The following UNC80 variants were observed in gnomAD, a reference collection of about 807,000 sequenced individuals.
UNC80 encodes the protein protein unc-80 homolog.
In UNC80, 164 loss-of-function variants were observed where a neutral mutation model predicts 384.6. The ratio of observed to expected loss-of-function variants is 0.43; its 90% CI spans 0.38 to 0.49. The LOEUF (loss-of-function observed/expected upper bound fraction) is 0.49, where lower values mean the gene tolerates loss of function less well. Ranked by LOEUF, UNC80 falls within the 20% of genes least tolerant of loss-of-function variation. UNC80 has a pLI of 0.00. For missense variants in UNC80, 3,330 were observed against 4,143.0 expected (o/e 0.80, Z 5.39); for synonymous variants, 1,486 against 1,527.8 (o/e 0.97, Z 0.64).
At chr2:209,866,525 C>CACACACACACAT (rs1553556886) in intron 22 of UNC80, among the ~76,000 whole-genome samples, 16 of 110,164 alleles carry the variant, frequency 1.5e-4, no homozygotes, top group African/African-American at 6.1e-4. Flanking sequence ...CACACACACA[C>CACACACACACAT]ACACACACAG....
At chr2:209,880,493 T>G (rs963893295) in intron 24 of UNC80, among the ~76,000 whole-genome samples, 1 of 152,218 alleles carries the variant, frequency 6.6e-6, no homozygotes, top group African/African-American at 2.4e-5. Context: ...CCTCATAAAA[T>G]GAACTGACAG....
At chr2:209,922,016 T>G (rs192551715) in intron 34 of UNC80, among the ~76,000 whole-genome samples, 1 of 152,342 alleles carries the variant, frequency 6.6e-6, no homozygotes, top group African/African-American at 2.4e-5. Flanking sequence ...AATGATTAAT[T>G]AATCATTCTG....
rs922690277 is a variant in UNC80 at position 209,937,685 on chromosome 2, A to G, written c.6465+55A>G. 3.0e-6 allele frequency: 4 copies of G among 1,349,712 alleles called. No homozygotes were observed. The Admixed American group carries it at 5.9e-5, about 20-fold the overall frequency. 83.6% of individuals were successfully genotyped at this position (1,349,712 alleles called of 1,614,324 possible). ...GTTTTGTCATGTTGTTGGAGTAGATATCTGTTCATACTTTGCCAACTTTGA... is the reference window on the plus strand; with the variant it reads ...GTTTTGTCATGTTGTTGGAGTAGATGTCTGTTCATACTTTGCCAACTTTGA... On this transcript the variant is annotated intron_variant, in intron 42 of 64. Transcript: ENST00000673920.
In UNC80 at chr2:209,839,790, C is replaced by T. The variant is rs116706416; in HGVS notation, c.3250+360C>T. Among the ~76,000 whole-genome samples, 2,036 of 152,216 alleles carry T rather than the reference C, an allele frequency of 0.013. 49 individuals carry two copies. Among genetic ancestry groups the T allele is most frequent in the African/African-American group, 0.045 (1,852 of 41,510 alleles). On this transcript the variant is annotated intron_variant, in intron 19 of 64. Coordinates refer to ENST00000673920, the MANE Select transcript of UNC80 (RefSeq NM_001371986.1). This position sits in a 1 kb window ranked among gnomAD's most constrained non-coding sequence, Gnocchi z 4.1. Reference sequence around the variant, plus strand: ...TATGAAGGAAATATACATAGTTCTACGAAAGCATGCAACAATGAGACCTGA... The same window carrying T: ...TATGAAGGAAATATACATAGTTCTATGAAAGCATGCAACAATGAGACCTGA...
chr2:209,972,285 C>T lies in UNC80; in HGVS notation c.8341C>T (p.Leu2781Phe), dbSNP rs1375291367. 2 of 1,551,696 alleles carry T rather than the reference C, an allele frequency of 1.3e-6. No homozygotes were observed. The highest frequency in any genetic ancestry group is 1.2e-5 in the South Asian group (1 of 84,048). ...AAGGGAGGGGATGCTTTTAAATCTG[C>T]TCATCCCATTTGTGCTCACAGTAGG... is the stretch of plus-strand genomic sequence containing the variant. ...ERREGMLLNL[L>F]IPFVLTVGSG... The change falls in exon 55 of 65, where the codon CTC becomes TTC. Residue 2781 changes from leucine (L) to phenylalanine (F), a missense_variant. Transcript: ENST00000673920.
chr2:209,794,236 A>G (rs1414409905), intron 7 of UNC80, among the ~76,000 whole-genome samples: 1 of 152,246 alleles, frequency 6.6e-6, no homozygotes, highest in Admixed American at 6.5e-5. Flanking sequence ...TAGTGCTTCT[A>G]AATCACATAG....
intron 28 of UNC80, among the ~76,000 whole-genome samples, chr2:209,898,312 T>C (rs2087011961): frequency 6.6e-6 from 1 of 152,124 alleles, no homozygotes; most frequent in African/African-American, 2.4e-5. Flanking sequence ...ACTCAGATGA[T>C]TGATTTGCAA....
intron 29 of UNC80, among the ~76,000 whole-genome samples, chr2:209,907,870 T>A (rs2088442410): frequency 6.6e-6 from 1 of 152,244 alleles, no homozygotes; most frequent in Non-Finnish European, 1.5e-5. Flanking sequence ...CCCTCCACTC[T>A]GCCTCAACCA....
chr2:209,838,013 C>T (rs575016155), intron 18 of UNC80, among the ~76,000 whole-genome samples: 2 of 152,128 alleles, frequency 1.3e-5, no homozygotes, highest in South Asian at 2.1e-4. Context: ...CCTCATGATC[C>T]GCCTGCCTCG....
At position 209,936,868 on chromosome 2, in the gene UNC80, C is replaced by T. The variant is rs1427545209; in HGVS notation, c.6298C>T (p.Pro2100Ser). 5.8e-6 allele frequency: 9 copies of T among 1,550,456 alleles called. No homozygotes were observed. Among genetic ancestry groups the T allele is most frequent in the Admixed American group, 2.0e-5 (1 of 50,950 alleles). The change falls in exon 41 of 65, where the codon CCA becomes TCA. Residue 2100 changes from proline (P) to serine (S), a missense_variant. By Grantham distance (74) the Pro-to-Ser change is moderately conservative (BLOSUM62 -1). Around this residue, in one of 8 missense-constraint regions of UNC80, gnomAD observed 1,049 missense variants for 1,488.6 expected, o/e 0.70. Transcript: ENST00000673920. ...GGAGTGTCTGGAGTTTTTTAATATCCCAGAATCCCAGTCAACACATTATTT... is the reference window on the plus strand; with the variant it reads ...GGAGTGTCTGGAGTTTTTTAATATCTCAGAATCCCAGTCAACACATTATTT... ...LKECLEFFNI[P>S]ESQSTHYFLM... is the part of the protein sequence containing the mutation.
At chr2:209,957,004 C>T (rs2092443654) in intron 48 of UNC80, among the ~76,000 whole-genome samples, 1 of 152,148 alleles carries the variant, frequency 6.6e-6, no homozygotes, top group South Asian at 2.1e-4. Flanking sequence ...CTGCATTATG[C>T]CTTTTTCGTC....
At chr2:209,968,758 T>A (rs2092803117) in intron 52 of UNC80, 1 of 152,166 alleles carries the variant, frequency 6.6e-6, no homozygotes, top group Admixed American at 6.6e-5. Flanking sequence ...ATACTTCATA[T>A]CTAAAGACGT....
intron 6 of UNC80, among the ~76,000 whole-genome samples, 193 bp downstream of exon 6, chr2:209,789,798 C>T (rs189912520): frequency 7.9e-5 from 12 of 151,340 alleles, no homozygotes; most frequent in Middle Eastern, 3.4e-3. Flanking sequence ...CTCCCCAAAG[C>T]GTGCAGGTGT....
chr2:209,842,038 C>T (rs79578461), intron 20 of UNC80, among the ~76,000 whole-genome samples: 2,042 of 152,270 alleles, frequency 0.013, 50 homozygotes, highest in African/African-American at 0.045. Flanking sequence ...GACTATGTCT[C>T]GCTATTCATT....
chr2:209,879,482 T>C (rs2085084724), intron 24 of UNC80, among the ~76,000 whole-genome samples: 1 of 152,176 alleles, frequency 6.6e-6, no homozygotes, highest in Non-Finnish European at 1.5e-5. Flanking sequence ...ACAGGATATT[T>C]AATATGATAG....
chr2:209,817,649 T>G (rs1207233810), intron 10 of UNC80, among the ~76,000 whole-genome samples, 163 bp from the exon 11 acceptor site: 1 of 152,188 alleles, frequency 6.6e-6, no homozygotes, highest in Non-Finnish European at 1.5e-5. Context: ...ATCCTGACCC[T>G]GAATATCCCC....
chr2:209,808,765 A>T, intron 7 of UNC80: 1 of 44,552 alleles, frequency 2.2e-5, no homozygotes, highest in Non-Finnish European at 3.6e-5. Flanking sequence ...CGCCTGCGCT[A>T]CTTCTGCGCT....
chr2:209,934,131 T>C, intron 39 of UNC80, 126 bp downstream of exon 39: 1 of 907,276 alleles, frequency 1.1e-6, no homozygotes, highest in Non-Finnish European at 1.6e-6. Context: ...TATTGAGTGC[T>C]TCAAAGAATT....
intron 7 of UNC80, among the ~76,000 whole-genome samples, chr2:209,802,948 C>T (rs966612717): frequency 6.6e-6 from 1 of 152,184 alleles, no homozygotes; most frequent in African/African-American, 2.4e-5. Context: ...TTTCTGAAGC[C>T]TGCCCACAGT....
Sources: gnomAD v4.1 joint callset for allele counts (sites outside exome capture counted in the v4.1 genomes callset) on GRCh38, gnomAD v4.1.1 for gene constraint, gnomAD v4.1.1 regional missense constraint, Gnocchi (gnomAD v3.1) non-coding constraint, MANE v1.5 for transcripts, NCBI Gene and HGNC (gene_info 2026-07-23, HGNC 2026-07-21) for gene names.